EPHA7: variants seen among roughly 807,000 people sequenced by gnomAD.
EPHA7 encodes the protein ephrin type-A receptor 7.
EPHA7 carries 25 observed loss-of-function variants against 112.6 expected under a neutral mutation model. The observed-to-expected ratio is 0.22, with a 90% CI of 0.16 to 0.31. The LOEUF is 0.31. Among genes scored for constraint, EPHA7 ranks in the 10% least tolerant of loss-of-function variants. EPHA7 has a pLI of 1.00. For missense variants in EPHA7, 962 were observed against 1,212.6 expected, an observed-to-expected ratio of 0.79 and a Z score of 3.07; for synonymous variants, 437 against 406.5, an observed-to-expected ratio of 1.07 and a Z score of -0.90.
At chr6:93,394,190 T>G (rs1778048689) in intron 3 of EPHA7, among the ~76,000 whole-genome samples, 1 of 151,976 alleles carries the variant, frequency 6.6e-6, no homozygotes, top group Non-Finnish European at 1.5e-5. Flanking sequence ...TTCTTTGTTA[T>G]CGTACTACTT....
At chr6:93,316,083 T>G (rs1320456458) in intron 5 of EPHA7, among the ~76,000 whole-genome samples, 3 of 152,094 alleles carry the variant, frequency 2.0e-5, no homozygotes, top group Non-Finnish European at 4.4e-5. Flanking sequence ...AGAAAGCAAA[T>G]GAAATAGCTG....
chr6:93,311,398 A>G (rs1051538962), intron 5 of EPHA7, among the ~76,000 whole-genome samples: 4 of 152,186 alleles, frequency 2.6e-5, no homozygotes, highest in Admixed American at 1.3e-4. Context: ...AACAATATTC[A>G]AAGAGTCTCC....
chr6:93,387,488 C>G (rs1343051667), intron 3 of EPHA7, among the ~76,000 whole-genome samples: 1 of 152,090 alleles, frequency 6.6e-6, no homozygotes, highest in Non-Finnish European at 1.5e-5. Flanking sequence ...TACCTATTTC[C>G]TAAGTCACTT....
intron 5 of EPHA7, among the ~76,000 whole-genome samples, chr6:93,353,871 T>C (rs1201522350): frequency 6.6e-6 from 1 of 152,064 alleles, no homozygotes; most frequent in Non-Finnish European, 1.5e-5. Context: ...TCAATACACT[T>C]CTACTCACAC....
At chr6:93,370,254 C>T (rs1266272804) in intron 3 of EPHA7, among the ~76,000 whole-genome samples, 1 of 151,954 alleles carries the variant, frequency 6.6e-6, no homozygotes, top group East Asian at 1.9e-4. Flanking sequence ...GGGTTGTTTC[C>T]AAGGCAAAAA....
intron 5 of EPHA7, among the ~76,000 whole-genome samples, chr6:93,315,549 TTA>T (rs1164335397): frequency 6.6e-6 from 1 of 152,170 alleles, no homozygotes; most frequent in African/African-American, 2.4e-5. Flanking sequence ...ATTTCAGCTG[TTA>T]TCTCTGGTTA....
chr6:93,323,357 G>C (rs933839850), intron 5 of EPHA7, among the ~76,000 whole-genome samples: 1 of 151,208 alleles, frequency 6.6e-6, no homozygotes, highest in Non-Finnish European at 1.5e-5. Context: ...ATTCTTCCAC[G>C]AATTCTTTCC....
At chr6:93,377,377 T>C (rs1002437519) in intron 3 of EPHA7, among the ~76,000 whole-genome samples, 8 of 152,072 alleles carry the variant, frequency 5.3e-5, no homozygotes, top group Admixed American at 3.9e-4. Flanking sequence ...AAATAAATAA[T>C]GGTTATTGCT....
At chr6:93,306,090 A>G (rs1773243555) in intron 5 of EPHA7, among the ~76,000 whole-genome samples, 1 of 152,002 alleles carries the variant, frequency 6.6e-6, no homozygotes, top group Admixed American at 6.6e-5. Context: ...ACTTACTTGA[A>G]CTAAATTAGT....
chr6:93,382,822 G>T (rs1476632782), intron 3 of EPHA7, among the ~76,000 whole-genome samples: 4 of 152,050 alleles, frequency 2.6e-5, no homozygotes, highest in South Asian at 4.1e-4. Flanking sequence ...CCATGAAAAG[G>T]TCCCAACATA....
intron 5 of EPHA7, among the ~76,000 whole-genome samples, chr6:93,303,828 C>G (rs904853685): frequency 6.6e-6 from 1 of 152,128 alleles, no homozygotes; most frequent in Non-Finnish European, 1.5e-5. Context: ...GTCCAAGGAA[C>G]TCCACCTATC....
chr6:93,409,981 T>C (rs1383656710), intron 3 of EPHA7: 3 of 151,780 alleles, frequency 2.0e-5, no homozygotes, highest in Admixed American at 6.6e-5. Context: ...TTTGAAAATT[T>C]TGTATTAAAG....
At chr6:93,361,277 A>G (rs945083694) in intron 3 of EPHA7, among the ~76,000 whole-genome samples, 1 of 152,078 alleles carries the variant, frequency 6.6e-6, no homozygotes, top group African/African-American at 2.4e-5. Flanking sequence ...GCCAGTTTTC[A>G]TTTGATCTCA....
chr6:93,325,133 T>C (rs1032076463), intron 5 of EPHA7, among the ~76,000 whole-genome samples: 2 of 151,182 alleles, frequency 1.3e-5, no homozygotes, highest in Non-Finnish European at 3.0e-5. Context: ...TATTTAGAAT[T>C]GCCAGGAATA....
At chr6:93,330,230 G>A (rs1215961049) in intron 5 of EPHA7, among the ~76,000 whole-genome samples, 1 of 151,234 alleles carries the variant, frequency 6.6e-6, no homozygotes, top group African/African-American at 2.4e-5. Context: ...AATGTGTAAT[G>A]ATGAAATTAG....
At chr6:93,325,699 T>G (rs1400249130) in intron 5 of EPHA7, among the ~76,000 whole-genome samples, 2 of 151,376 alleles carry the variant, frequency 1.3e-5, no homozygotes, top group African/African-American at 4.8e-5. Context: ...CAAGGTTAAC[T>G]GCAGTGCAGT....
chr6:93,299,525 A>G (rs1466559570), intron 5 of EPHA7, among the ~76,000 whole-genome samples: 7 of 152,096 alleles, frequency 4.6e-5, no homozygotes, highest in Non-Finnish European at 8.8e-5. Flanking sequence ...ACATTTATAC[A>G]CTGTTGGTAG....
intron 14 of EPHA7, 32 bp from the exon 15 acceptor site, chr6:93,247,017 T>C (rs778519646): frequency 5.3e-6 from 8 of 1,512,042 alleles, no homozygotes; most frequent in Non-Finnish European, 1.8e-6. Flanking sequence ...CAAATATTAC[T>C]GATTTAGGTT....
At chr6:93,358,140 A>G (rs1313758807) in intron 4 of EPHA7, 116 bp downstream of exon 4, 10 of 726,652 alleles carry the variant, frequency 1.4e-5, no homozygotes, top group Non-Finnish European at 1.9e-5. Flanking sequence ...AATAATTTTA[A>G]TATTTAAGTA....
Sources: allele counts gnomAD v4.1 joint callset (sites outside exome capture counted in the v4.1 genomes callset), GRCh38; gene constraint gnomAD v4.1.1; transcripts MANE v1.5; gene names NCBI Gene and HGNC (gene_info 2026-07-23, HGNC 2026-07-21).